The following AP3B1 variants were observed in gnomAD, a reference collection of about 807,000 sequenced individuals.
AP3B1 encodes the protein AP-3 complex subunit beta-1.
In AP3B1, 61 loss-of-function variants were observed where a neutral mutation model predicts 132.5. That is an observed-to-expected ratio of 0.46 (90% CI 0.37 to 0.57). The LOEUF (loss-of-function observed/expected upper bound fraction) is 0.57. AP3B1 is among the 20% of genes least tolerant of loss of function. AP3B1 has a pLI of 0.00. For missense variants in AP3B1, 1,120 were observed against 1,289.4 expected (o/e 0.87, Z 2.01); for synonymous variants, 388 against 438.3 (o/e 0.89, Z 1.43).
At chr5:78,260,643 A>C (rs185148099) in intron 2 of AP3B1, among the ~76,000 whole-genome samples, 3 of 149,036 alleles carry the variant, frequency 2.0e-5, no homozygotes, top group Non-Finnish European at 4.5e-5. Context: ...ATGTAAGTTT[A>C]AAAAAAAAAG....
chr5:78,044,199 A>G (rs944950227), intron 22 of AP3B1: 1 of 199,562 alleles, frequency 5.0e-6, no homozygotes, highest in African/African-American at 2.4e-5. Flanking sequence ...CGACATGCAC[A>G]TGGCACCAAG....
chr5:78,109,531 C>T (rs1751483814), intron 20 of AP3B1, among the ~76,000 whole-genome samples: 1 of 151,932 alleles, frequency 6.6e-6, no homozygotes. Flanking sequence ...TGAACATGGT[C>T]CAGTTATAGG....
At chr5:78,123,322 G>A (rs540205752) in intron 17 of AP3B1, among the ~76,000 whole-genome samples, 13 of 152,154 alleles carry the variant, frequency 8.5e-5, no homozygotes, top group Non-Finnish European at 1.9e-4. Flanking sequence ...AAAAGCAATG[G>A]TAACAAAAGC....
At chr5:78,247,870 T>A in intron 2 of AP3B1, among the ~76,000 whole-genome samples, 1 of 152,198 alleles carries the variant, frequency 6.6e-6, no homozygotes, top group East Asian at 1.9e-4. Context: ...CATTTTAGTA[T>A]CCGTTTCCTG....
chr5:78,221,809 C>A (rs1307514740), intron 6 of AP3B1, among the ~76,000 whole-genome samples: 1 of 151,802 alleles, frequency 6.6e-6, no homozygotes, highest in Admixed American at 6.6e-5. Context: ...AATAAAAATT[C>A]TGAATCTACA....
intron 3 of AP3B1, among the ~76,000 whole-genome samples, chr5:78,229,762 T>TA (rs949668253): frequency 5.3e-5 from 8 of 150,438 alleles, no homozygotes; most frequent in East Asian, 1.9e-4. Flanking sequence ...AATTTAAAAT[T>TA]AAAAAAAAAG....
At chr5:78,256,726 T>C (rs533330196) in intron 2 of AP3B1, among the ~76,000 whole-genome samples, 1 of 151,942 alleles carries the variant, frequency 6.6e-6, no homozygotes, top group Admixed American at 6.6e-5. Flanking sequence ...AAAAAGAAAA[T>C]GACACCCCAA....
chr5:78,202,145 T>G (rs1477747724), intron 7 of AP3B1, among the ~76,000 whole-genome samples: 2 of 152,170 alleles, frequency 1.3e-5, no homozygotes, highest in Non-Finnish European at 2.9e-5. Flanking sequence ...GCACAAGCTC[T>G]CTCTTCTCTT....
intron 15 of AP3B1, among the ~76,000 whole-genome samples, chr5:78,132,656 A>C (rs773412627): frequency 3.4e-4 from 52 of 152,200 alleles, no homozygotes; most frequent in Non-Finnish European, 5.9e-4. Context: ...GTACGTATTA[A>C]ATTACCTTAA....
At chr5:78,284,751 A>T (rs989707121) in intron 1 of AP3B1, among the ~76,000 whole-genome samples, 1 of 152,166 alleles carries the variant, frequency 6.6e-6, no homozygotes, top group African/African-American at 2.4e-5. Context: ...TGTATCTGTA[A>T]GTTTTCTAGA....
intron 1 of AP3B1, among the ~76,000 whole-genome samples, chr5:78,288,606 G>A (rs10058022): frequency 0.23 from 34,801 of 152,026 alleles, 4,601 homozygotes; most frequent in Middle Eastern, 0.31. Context: ...TAGGGTCCAC[G>A]GAATCAGTCA....
chr5:78,254,870 C>A (rs1411929168), intron 2 of AP3B1, among the ~76,000 whole-genome samples: 7 of 151,854 alleles, frequency 4.6e-5, no homozygotes, highest in Non-Finnish European at 8.8e-5. Flanking sequence ...ATGAACCAAT[C>A]AAAAATGGTA....
At chr5:78,224,358 T>C (rs1279957884) in intron 6 of AP3B1, among the ~76,000 whole-genome samples, 1 of 151,760 alleles carries the variant, frequency 6.6e-6, no homozygotes, top group Non-Finnish European at 1.5e-5. Flanking sequence ...TTTTCAAAAA[T>C]ATATAGTAAA....
At chr5:78,191,246 G>T in intron 7 of AP3B1, among the ~76,000 whole-genome samples, 1 of 151,068 alleles carries the variant, frequency 6.6e-6, no homozygotes, top group Admixed American at 6.6e-5. Context: ...CCTGTTAGAA[G>T]GCACTGGAGG....
At chr5:78,293,733 T>C (rs775762467) in intron 1 of AP3B1, among the ~76,000 whole-genome samples, 5 of 151,980 alleles carry the variant, frequency 3.3e-5, no homozygotes, top group Non-Finnish European at 5.9e-5. Context: ...AACAAACAAC[T>C]TGGGATTTCT....
intron 26 of AP3B1, among the ~76,000 whole-genome samples, chr5:78,008,175 G>A (rs1295106261): frequency 6.6e-6 from 1 of 152,118 alleles, no homozygotes; most frequent in Non-Finnish European, 1.5e-5. Context: ...TTGTCTGGTG[G>A]GGGTGGGGTG....
chr5:78,115,064 A>G (rs1308652696), intron 18 of AP3B1, among the ~76,000 whole-genome samples: 3 of 152,242 alleles, frequency 2.0e-5, no homozygotes, highest in Non-Finnish European at 2.9e-5. Context: ...CATCATTATC[A>G]TCATTTACAA....
intron 13 of AP3B1, among the ~76,000 whole-genome samples, chr5:78,159,344 G>T (rs1172411466): frequency 1.3e-5 from 2 of 152,152 alleles, no homozygotes; most frequent in South Asian, 4.1e-4. Context: ...TGCTGTCACA[G>T]ATTACTAAAA....
At chr5:78,019,917 A>T (rs1747020155) in intron 25 of AP3B1, among the ~76,000 whole-genome samples, 1 of 152,096 alleles carries the variant, frequency 6.6e-6, no homozygotes, top group Admixed American at 6.6e-5. Context: ...AATGGCTTAG[A>T]TTCACATAAA....
Sources: allele counts gnomAD v4.1 joint callset (sites outside exome capture counted in the v4.1 genomes callset), GRCh38; gene constraint gnomAD v4.1.1; transcripts MANE v1.5; gene names NCBI Gene and HGNC (gene_info 2026-07-23, HGNC 2026-07-21).